The following EGFR variants were observed in gnomAD, a reference collection of about 807,000 sequenced individuals.
The protein encoded by EGFR is avian erythroblastic leukemia viral (v-erb-b) oncogene homolog.
In EGFR, 58 loss-of-function variants were observed where a neutral mutation model predicts 143.0. The ratio of observed to expected loss-of-function variants is 0.41; its 90% CI spans 0.33 to 0.50. The LOEUF is 0.50. EGFR is among the 20% of genes least tolerant of loss of function. The pLI is 0.39. For missense variants in EGFR, 1,307 were observed against 1,579.0 expected (o/e 0.83, Z 2.92); for synonymous variants, 613 against 594.4 (o/e 1.03, Z -0.45).
rs769674138 is a variant in EGFR at position 55,076,038 on chromosome 7, A to C, written c.88+56673A>C. Among the ~76,000 whole-genome samples, 7 of 152,158 alleles carry C rather than the reference A, an allele frequency of 4.6e-5. No individual in the cohort carries two copies. The South Asian group carries it at 1.0e-3, about 23-fold the overall frequency. Reference sequence around the variant, plus strand: ...CCTTGTTCACTTGTCCAGCCTAGCAATTGTCCATTAGTAATTTGTTATAAA... The same window carrying C: ...CCTTGTTCACTTGTCCAGCCTAGCACTTGTCCATTAGTAATTTGTTATAAA... On this transcript the variant is annotated intron_variant, in intron 1 of 27. Coordinates refer to ENST00000275493, the MANE Select transcript of EGFR (RefSeq NM_005228.5).
chr7:55,179,147 G>A (rs895811339), intron 19 of EGFR, among the ~76,000 whole-genome samples: 6 of 152,236 alleles, frequency 3.9e-5, no homozygotes, highest in African/African-American at 7.2e-5. Context: ...TGACCAAGCC[G>A]TTCTTTCCTC....
At chr7:55,185,889 T>C (rs1787113559) in intron 20 of EGFR, among the ~76,000 whole-genome samples, 1 of 152,244 alleles carries the variant, frequency 6.6e-6, no homozygotes. Flanking sequence ...GGCTCCTTTT[T>C]ACAAGTACGT....
In EGFR at chr7:55,210,458, C is replaced by T. The variant is rs1788212135; in HGVS notation, c.*4841C>T. ...CACCTCAGACCGATTAAACGCAAAT[C>T]TCTGGGGCTGAAACCCAAGCATTCG... is the stretch of plus-strand genomic sequence containing the variant. On this transcript the variant is annotated 3_prime_UTR_variant, in exon 28 of 28. Coordinates refer to ENST00000275493, the MANE Select transcript of EGFR (RefSeq NM_005228.5). 6.6e-6 allele frequency: 1 copy of T among 151,996 alleles called. No individual in the cohort carries two copies. Among genetic ancestry groups the T allele is most frequent in the African/African-American group, 2.4e-5 (1 of 41,438 alleles). 9.4% of individuals were successfully genotyped at this position (151,996 alleles called of 1,614,324 possible). A position where few individuals can be genotyped will look rare whatever the true frequency, so the allele number is the denominator to read the frequency against.
At chr7:55,148,557 T>C (rs984522895) in intron 4 of EGFR, among the ~76,000 whole-genome samples, 1 of 152,218 alleles carries the variant, frequency 6.6e-6, no homozygotes. Context: ...AGAACTGACA[T>C]TTCAAGCCAA....
chr7:55,132,167 A>G (rs1369653458), intron 1 of EGFR, among the ~76,000 whole-genome samples: 1 of 152,182 alleles, frequency 6.6e-6, no homozygotes, highest in Admixed American at 6.5e-5. Flanking sequence ...AAACATGGGT[A>G]AAAATTGAAG....
chr7:55,100,254 C>A (rs1039107562), intron 1 of EGFR, among the ~76,000 whole-genome samples: 9 of 152,344 alleles, frequency 5.9e-5, no homozygotes, highest in African/African-American at 1.9e-4. Context: ...CCTAGTTTTC[C>A]TCCCAATTTT....
chr7:55,201,891 T>C (rs1348585149), intron 26 of EGFR, 109 bp downstream of exon 26: 10 of 1,385,264 alleles, frequency 7.2e-6, no homozygotes, highest in Non-Finnish European at 1.0e-5. Context: ...ATCTTGAGTT[T>C]TCTTCCTGTG....
At chr7:55,031,465 C>T (rs747633493) in intron 1 of EGFR, among the ~76,000 whole-genome samples, 2 of 152,178 alleles carry the variant, frequency 1.3e-5, no homozygotes, top group Non-Finnish European at 2.9e-5. Context: ...ACTTCACTTT[C>T]CACCTTTAGA....
intron 1 of EGFR, among the ~76,000 whole-genome samples, chr7:55,060,276 AT>A (rs1789091263): frequency 1.3e-5 from 2 of 152,126 alleles, no homozygotes; most frequent in South Asian, 4.1e-4. Context: ...TACTGGGTGA[AT>A]TTGTGTGGTT....
chr7:55,093,881 C>T (rs532149254), intron 1 of EGFR, among the ~76,000 whole-genome samples: 12 of 152,120 alleles, frequency 7.9e-5, no homozygotes, highest in Non-Finnish European at 1.5e-4. Flanking sequence ...CTGGTCCTGT[C>T]GTAACTGTCA....
intron 1 of EGFR, among the ~76,000 whole-genome samples, chr7:55,024,577 G>A (rs1041986449): frequency 1.3e-5 from 2 of 152,192 alleles, no homozygotes; most frequent in African/African-American, 2.4e-5. Flanking sequence ...CATTACTAGC[G>A]CGGCAGCACA....
In EGFR at chr7:55,201,465, A is replaced by G. The variant is rs926979193; in HGVS notation, c.3114+110A>G. On this transcript the variant is annotated intron_variant, in intron 25 of 27. Coordinates refer to ENST00000275493, the MANE Select transcript of EGFR (RefSeq NM_005228.5). ...TGAAACTCACATGGATATGAAGTCA[A>G]TTTTAACCAAATGGTAAAATCAAAA... The G allele has an allele frequency of 8.8e-6, 13 of 1,477,270 alleles. No individual in the cohort carries two copies. The Middle Eastern group carries it at 8.7e-4, about 99-fold the overall frequency. The allele number at this position is 1,477,270 out of a possible 1,614,324, so 91.5% of individuals were successfully genotyped here.
intron 1 of EGFR, among the ~76,000 whole-genome samples, chr7:55,082,898 G>A (rs1370036112): frequency 6.6e-6 from 1 of 152,156 alleles, no homozygotes; most frequent in Non-Finnish European, 1.5e-5. Context: ...CCAGCCTCTG[G>A]TGTTCCCAGC....
intron 1 of EGFR, among the ~76,000 whole-genome samples, chr7:55,060,484 A>G (rs1430527188): frequency 6.6e-6 from 1 of 152,240 alleles, no homozygotes; most frequent in African/African-American, 2.4e-5. Context: ...AAAACAAACA[A>G]CAAACATCTT....
chr7:55,196,810 G>T (rs971844130), intron 22 of EGFR, among the ~76,000 whole-genome samples: 1 of 150,742 alleles, frequency 6.6e-6, no homozygotes, highest in Admixed American at 6.6e-5. Context: ...CTTTGTCAAC[G>T]ATCACATGGT....
intron 1 of EGFR, among the ~76,000 whole-genome samples, chr7:55,043,608 C>T (rs548943588): frequency 9.4e-6 from 1 of 106,290 alleles, no homozygotes; most frequent in South Asian, 2.4e-4. Flanking sequence ...GAGAACCGCC[C>T]CCTTCTTGGC....
At chr7:55,163,353 CCTTT>C (rs1329712596) in intron 13 of EGFR, among the ~76,000 whole-genome samples, 2 of 152,180 alleles carry the variant, frequency 1.3e-5, no homozygotes, top group African/African-American at 4.8e-5. Context: ...CTCCCTCCTT[CCTTT>C]TTCTATCACT....
At chr7:55,087,679 C>T (rs759170) in intron 1 of EGFR, among the ~76,000 whole-genome samples, 29,091 of 152,100 alleles carry the variant, frequency 0.19, 3,193 homozygotes, top group African/African-American at 0.28. Flanking sequence ...GGAAACTTCC[C>T]GATTGGGTTT....
chr7:55,181,645 C>T (rs1786885853), intron 20 of EGFR, 167 bp downstream of exon 20: 3 of 815,244 alleles, frequency 3.7e-6, no homozygotes, highest in Admixed American at 2.1e-5. Flanking sequence ...TCTTCTTGTG[C>T]ACAAATCAGT....
Sources: allele counts gnomAD v4.1 joint callset (sites outside exome capture counted in the v4.1 genomes callset), GRCh38; gene constraint gnomAD v4.1.1; transcripts MANE v1.5; gene names NCBI Gene and HGNC (gene_info 2026-07-23, HGNC 2026-07-21).